NRG3: variants seen among roughly 807,000 people sequenced by gnomAD.
NRG3 encodes the protein neuregulin 3.
A neutral mutation model predicts 66.9 loss-of-function variants in NRG3; 31 were observed. The observed-to-expected ratio is 0.46, with a 90% CI of 0.35 to 0.63. The LOEUF (loss-of-function observed/expected upper bound fraction) is 0.63. Among genes scored for constraint, NRG3 ranks in the 20% least tolerant of loss-of-function variants. NRG3 has a pLI of 0.00. For missense variants in NRG3, 910 were observed against 878.9 expected, an observed-to-expected ratio of 1.04 and a Z score of -0.45; for synonymous variants, 393 against 359.4, an observed-to-expected ratio of 1.09 and a Z score of -1.06.
chr10:82,112,411 G>C (rs1174279929), intron 1 of NRG3, among the ~76,000 whole-genome samples: 1 of 152,036 alleles, frequency 6.6e-6, no homozygotes, highest in Non-Finnish European at 1.5e-5. Context: ...GAGGGAACAG[G>C]CCTCATAGGA....
At chr10:82,542,094 C>A (rs370673851) in intron 2 of NRG3, among the ~76,000 whole-genome samples, 5 of 152,138 alleles carry the variant, frequency 3.3e-5, no homozygotes, top group Non-Finnish European at 5.9e-5. Context: ...CACTGACAGG[C>A]CCCAGTGTGT....
At chr10:82,308,408 G>A (rs1279953294) in intron 1 of NRG3, among the ~76,000 whole-genome samples, 1 of 152,008 alleles carries the variant, frequency 6.6e-6, no homozygotes, top group Non-Finnish European at 1.5e-5. Context: ...TTTTTGATGG[G>A]GCTCTCTGAG....
At chr10:82,750,580 C>T (rs17100713) in intron 3 of NRG3, among the ~76,000 whole-genome samples, 8,272 of 152,100 alleles carry the variant, frequency 0.054, 679 homozygotes, top group African/African-American at 0.18. Context: ...GAGGACTTAA[C>T]TGAGTGCCAA....
At chr10:82,559,972 A>G (rs959107220) in intron 2 of NRG3, among the ~76,000 whole-genome samples, 18 of 152,024 alleles carry the variant, frequency 1.2e-4, no homozygotes, top group Admixed American at 3.3e-4. Context: ...TAATATATAT[A>G]TATAGTAAGT....
chr10:82,913,028 A>G (rs1311192360), intron 4 of NRG3, among the ~76,000 whole-genome samples: 1 of 152,144 alleles, frequency 6.6e-6, no homozygotes, highest in Admixed American at 6.5e-5. Flanking sequence ...GATCGAGACC[A>G]TCCTGGCTAA....
At chr10:82,958,578 G>A (rs74485004) in intron 5 of NRG3, among the ~76,000 whole-genome samples, 3,392 of 152,268 alleles carry the variant, frequency 0.022, 58 homozygotes, top group Middle Eastern at 0.048. Flanking sequence ...TATGTCATAT[G>A]TACCTGCTAA....
At chr10:82,581,029 G>C (rs192840481) in intron 2 of NRG3, among the ~76,000 whole-genome samples, 1 of 151,716 alleles carries the variant, frequency 6.6e-6, no homozygotes, top group Non-Finnish European at 1.5e-5. Context: ...CTCCCAAACT[G>C]TCTCTCAAAG....
intron 1 of NRG3, among the ~76,000 whole-genome samples, chr10:82,028,570 A>G (rs942616843): frequency 6.6e-6 from 1 of 152,078 alleles, no homozygotes; most frequent in Non-Finnish European, 1.5e-5. Flanking sequence ...ACTTTGGCCA[A>G]ATTGAATGAT....
chr10:82,057,318 C>CT (rs57925279), intron 1 of NRG3, among the ~76,000 whole-genome samples: 131,251 of 151,946 alleles, frequency 0.86, 57,682 homozygotes, highest in Middle Eastern at 0.97. Flanking sequence ...AACTCCTACT[C>CT]CAATTTCTGT....
At chr10:82,329,981 T>A (rs1012349986) in intron 1 of NRG3, among the ~76,000 whole-genome samples, 4 of 152,178 alleles carry the variant, frequency 2.6e-5, no homozygotes, top group Non-Finnish European at 5.9e-5. Context: ...GAGGTAGGAA[T>A]TTCTTAGTGT....
intron 1 of NRG3, among the ~76,000 whole-genome samples, chr10:81,896,054 G>A (rs753890274): frequency 2.6e-5 from 4 of 152,020 alleles, no homozygotes; most frequent in Non-Finnish European, 5.9e-5. Context: ...CTGGTCTTTG[G>A]GGGGACAAAT....
intron 2 of NRG3, among the ~76,000 whole-genome samples, chr10:82,536,417 G>A (rs985894103): frequency 1.3e-5 from 2 of 152,144 alleles, no homozygotes; most frequent in African/African-American, 4.8e-5. Context: ...CATAGAGTTA[G>A]GGGTCAGAAT....
chr10:82,154,635 T>C (rs1436021122), intron 1 of NRG3, among the ~76,000 whole-genome samples: 1 of 151,926 alleles, frequency 6.6e-6, no homozygotes, highest in African/African-American at 2.4e-5. Context: ...AGAGATTGCA[T>C]TGAATCTGTA....
chr10:82,232,087 G>A (rs922441555), intron 1 of NRG3, among the ~76,000 whole-genome samples: 4 of 152,112 alleles, frequency 2.6e-5, no homozygotes, highest in South Asian at 4.2e-4. Context: ...GTTTTGCAAA[G>A]AATCAGATGT....
chr10:82,823,843 T>C (rs143240819), intron 3 of NRG3, among the ~76,000 whole-genome samples: 1 of 152,194 alleles, frequency 6.6e-6, no homozygotes, highest in African/African-American at 2.4e-5. Flanking sequence ...AATTGACGTA[T>C]AATTCACGCA....
intron 1 of NRG3, among the ~76,000 whole-genome samples, chr10:82,173,446 G>A (rs575636545): frequency 6.6e-6 from 1 of 152,006 alleles, no homozygotes; most frequent in East Asian, 1.9e-4. Context: ...CCATACATAT[G>A]AGTGCCAAAA....
intron 3 of NRG3, among the ~76,000 whole-genome samples, chr10:82,839,378 A>G (rs1187461534): frequency 6.6e-6 from 1 of 152,130 alleles, no homozygotes; most frequent in Non-Finnish European, 1.5e-5. Context: ...TTCTACTACA[A>G]TTAAGTGAGA....
chr10:81,962,799 C>T (rs2059571231), intron 1 of NRG3, among the ~76,000 whole-genome samples: 1 of 152,156 alleles, frequency 6.6e-6, no homozygotes, highest in Non-Finnish European at 1.5e-5. Flanking sequence ...GCTGGTCTTG[C>T]TCTCACATGG....
At chr10:82,231,924 A>T (rs1368355231) in intron 1 of NRG3, among the ~76,000 whole-genome samples, 1 of 152,234 alleles carries the variant, frequency 6.6e-6, no homozygotes, top group Non-Finnish European at 1.5e-5. Flanking sequence ...AAATATCTTT[A>T]AGAAACTGCT....
Sources: gnomAD v4.1 joint callset for allele counts (sites outside exome capture counted in the v4.1 genomes callset) on GRCh38, gnomAD v4.1.1 for gene constraint, MANE v1.5 for transcripts, NCBI Gene and HGNC (gene_info 2026-07-23, HGNC 2026-07-21) for gene names.